ACTA2: variants seen among roughly 807,000 people sequenced by gnomAD.
ACTA2 encodes the protein actin, aortic smooth muscle.
In ACTA2, 12 loss-of-function variants were observed where a neutral mutation model predicts 39.5. The observed-to-expected ratio is 0.30, with a 90% CI of 0.19 to 0.49. The LOEUF is 0.49. ACTA2 is among the 20% of genes least tolerant of loss of function. ACTA2 has a pLI of 0.99. For synonymous variants in ACTA2, 158 were observed against 180.6 expected (o/e 0.88, Z 1.00); for missense variants, 236 against 498.8 (o/e 0.47, Z 5.02).
At position 88,938,079 on chromosome 10, in the gene ACTA2, G is replaced by A. The variant is rs1204313866; in HGVS notation, c.972C>T (p.Pro324=). 2 of 1,613,840 alleles carry A rather than the reference G, an allele frequency of 1.2e-6. No individual in the cohort carries two copies. The highest frequency in any genetic ancestry group is 1.7e-6 in the Non-Finnish European group (2 of 1,179,924). Residue 324 remains proline (P), a synonymous_variant, in exon 8 of 9, where the codon CCC becomes CCT. Transcript: ENST00000224784. ...RMQKEITALA[P]STMKIKIIAP... ...ACAGTACCTTGATCTTCATGGTGCT[G>A]GGTGCTAGGGCCGTGATCTCCTTCT...
At chr10:88,952,831 C>T (rs1195004976), upstream of ACTA2, 1 of 152,448 alleles carries the variant, frequency 6.6e-6, no homozygotes, top group East Asian at 1.9e-4. Flanking sequence ...CTCCCACTTG[C>T]TTCCCAAACA....
chr10:88,961,912 G>T (rs1846232218), intron 1 of ACTA2, among the ~76,000 whole-genome samples: 1 of 152,118 alleles, frequency 6.6e-6, no homozygotes, highest in Non-Finnish European at 1.5e-5. Flanking sequence ...TATAATGGCT[G>T]CATTGATTTG....
intron 1 of ACTA2, among the ~76,000 whole-genome samples, chr10:88,962,963 A>G (rs1846258192): frequency 3.0e-5 from 1 of 32,796 alleles, no homozygotes; most frequent in Non-Finnish European, 5.6e-5. Context: ...ATATATATAT[A>G]TATATATATA....
chr10:88,941,672 G>T, intron 5 of ACTA2, 113 bp downstream of exon 5: 1 of 1,008,576 alleles, frequency 9.9e-7, no homozygotes, highest in Non-Finnish European at 1.5e-6. Flanking sequence ...GCTGGGTTCA[G>T]CCGTGTCCAT....
At chr10:88,937,300 G>A (rs926525419) in intron 8 of ACTA2, among the ~76,000 whole-genome samples, 63 of 152,336 alleles carry the variant, frequency 4.1e-4, no homozygotes, top group Middle Eastern at 3.4e-3. Flanking sequence ...CCACGTGTGT[G>A]AACTGCACTA....
intron 1 of ACTA2, among the ~76,000 whole-genome samples, chr10:88,972,538 T>C (rs1307148569): frequency 6.6e-6 from 1 of 152,192 alleles, no homozygotes; most frequent in African/African-American, 2.4e-5. Flanking sequence ...CCTGCCTTCT[T>C]TTATATTGTT....
chr10:88,961,079 G>GT (rs1846219696), intron 1 of ACTA2, among the ~76,000 whole-genome samples: 3 of 152,332 alleles, frequency 2.0e-5, no homozygotes, highest in Middle Eastern at 6.8e-3. Context: ...TTAGTCAGAA[G>GT]TGAGGACTAT....
In ACTA2 at chr10:88,990,791, G is replaced by C. The variant is rs778637136; in HGVS notation, c.-24+148C>G. On this transcript the variant is annotated intron_variant, in intron 1 of 4. Coordinates refer to the ACTA2 transcript ENST00000415557. This position sits in a 1 kb window ranked among gnomAD's most constrained non-coding sequence, Gnocchi z 4.9. ...GAGGCCAGCCCTGGCTGCCCAGGCG[G>C]AGCTGCCTCTTCTCCCGCGGGTTGG... is the stretch of plus-strand genomic sequence containing the variant. 7 of 1,580,388 alleles carry C rather than the reference G, an allele frequency of 4.4e-6. No homozygotes were observed. The highest frequency in any genetic ancestry group is 6.1e-6 in the Non-Finnish European group (7 of 1,150,242).
intron 1 of ACTA2, among the ~76,000 whole-genome samples, chr10:88,949,390 T>C (rs1459507461): frequency 1.3e-5 from 2 of 152,214 alleles, no homozygotes; most frequent in Non-Finnish European, 2.9e-5. Flanking sequence ...TTTCTAGATA[T>C]GCTATACCTT....
intron 1 of ACTA2, among the ~76,000 whole-genome samples, chr10:88,965,233 CT>C (rs1193023038): frequency 6.6e-6 from 1 of 152,052 alleles, no homozygotes; most frequent in Non-Finnish European, 1.5e-5. Context: ...AGGTTGTAAA[CT>C]TTTGGAGGCA....
At chr10:88,976,436 T>G (rs544212340) in intron 1 of ACTA2, among the ~76,000 whole-genome samples, 1 of 152,338 alleles carries the variant, frequency 6.6e-6, no homozygotes, top group Admixed American at 6.5e-5. Context: ...GGAAAATATA[T>G]TGGTTCATTA....
chr10:88,948,693 C>G (rs914199325), intron 2 of ACTA2, 109 bp downstream of exon 2: 2 of 1,492,068 alleles, frequency 1.3e-6, no homozygotes, highest in Non-Finnish European at 1.9e-6. Context: ...CTATTTGTAA[C>G]AAGGTTACAT....
intron 1 of ACTA2, among the ~76,000 whole-genome samples, chr10:88,950,554 A>T (rs975295987): frequency 2.0e-5 from 3 of 152,250 alleles, no homozygotes. Context: ...TTTTAAAGTC[A>T]AGGCATGTAA....
intron 1 of ACTA2, among the ~76,000 whole-genome samples, chr10:88,977,547 T>G (rs1204158508): frequency 1.3e-5 from 2 of 151,608 alleles, no homozygotes; most frequent in African/African-American, 2.4e-5. Flanking sequence ...CAAACAAATT[T>G]ACAAGAAAAA....
At chr10:88,944,873 T>C (rs1483737048) in intron 3 of ACTA2, among the ~76,000 whole-genome samples, 2 of 152,222 alleles carry the variant, frequency 1.3e-5, no homozygotes, top group African/African-American at 2.4e-5. Flanking sequence ...GCCAGGAATA[T>C]GAGATTCACT....
chr10:88,969,125 CT>C (rs1178006934), intron 1 of ACTA2, among the ~76,000 whole-genome samples: 1 of 152,026 alleles, frequency 6.6e-6, no homozygotes, highest in Non-Finnish European at 1.5e-5. Context: ...AAGACAAACA[CT>C]TTTATAAGTA....
chr10:88,957,290 T>C (rs952072664), upstream of ACTA2, among the ~76,000 whole-genome samples: 1 of 152,242 alleles, frequency 6.6e-6, no homozygotes, highest in African/African-American at 2.4e-5. Context: ...ATTTTATTTT[T>C]GTTTATGAAA....
intron 1 of ACTA2, among the ~76,000 whole-genome samples, chr10:88,970,868 T>TA (rs1299413821): frequency 6.8e-6 from 1 of 147,090 alleles, no homozygotes; most frequent in South Asian, 2.1e-4. Flanking sequence ...TAAAGTATAA[T>TA]AAAAAAGTGT....
intron 8 of ACTA2, among the ~76,000 whole-genome samples, chr10:88,937,219 C>CT (rs947606066): frequency 6.9e-6 from 1 of 145,868 alleles, no homozygotes; most frequent in Non-Finnish European, 1.5e-5. Flanking sequence ...CTAGCACACT[C>CT]TCTAGTGTTA....
Sources: gnomAD v4.1 joint callset for allele counts (sites outside exome capture counted in the v4.1 genomes callset) on GRCh38, gnomAD v4.1.1 for gene constraint, Gnocchi (gnomAD v3.1) non-coding constraint, MANE v1.5 for transcripts, NCBI Gene and HGNC (gene_info 2026-07-23, HGNC 2026-07-21) for gene names.